CTNNA2: variants seen among roughly 807,000 people sequenced by gnomAD.
CTNNA2 encodes catenin alpha 2.
Under a neutral mutation model 101.0 loss-of-function variants are expected in CTNNA2, and 42 were observed. The observed-to-expected ratio is 0.42, with a 90% CI of 0.32 to 0.54. The LOEUF is 0.54. Ranked by LOEUF, CTNNA2 falls within the 20% of genes least tolerant of loss-of-function variation. CTNNA2 has a pLI of 0.14. For synonymous variants in CTNNA2, 450 were observed against 456.4 expected (o/e 0.99, Z 0.18); for missense variants, 871 against 1,223.1 (o/e 0.71, Z 4.29).
At chr2:80,129,886 G>T (rs536867791) in intron 7 of CTNNA2, among the ~76,000 whole-genome samples, 27 of 152,246 alleles carry the variant, frequency 1.8e-4, no homozygotes, top group African/African-American at 6.5e-4. Context: ...GGGAGTGCAA[G>T]TAACCTCAGA....
chr2:79,836,970 A>G (rs1213727419), intron 3 of CTNNA2, among the ~76,000 whole-genome samples: 1 of 152,140 alleles, frequency 6.6e-6, no homozygotes, highest in African/African-American at 2.4e-5. Flanking sequence ...ATCATAACTC[A>G]ATTATATCTA....
At chr2:79,297,912 C>G (rs1416555480) in intron 2 of CTNNA2, among the ~76,000 whole-genome samples, 1 of 152,174 alleles carries the variant, frequency 6.6e-6, no homozygotes, top group Non-Finnish European at 1.5e-5. Context: ...ACTCATCTAT[C>G]TCTCATTTGA....
intron 4 of CTNNA2, among the ~76,000 whole-genome samples, chr2:79,441,368 A>G (rs1247186021): frequency 6.6e-6 from 1 of 152,180 alleles, no homozygotes; most frequent in Non-Finnish European, 1.5e-5. Context: ...TTCATGCAGT[A>G]TGTGATGTGT....
chr2:80,417,355 T>G (rs1680135431), intron 8 of CTNNA2, among the ~76,000 whole-genome samples: 1 of 151,762 alleles, frequency 6.6e-6, no homozygotes, highest in Admixed American at 6.6e-5. Flanking sequence ...TGGAAAGTTT[T>G]CATTGATTAC....
chr2:80,544,975 A>G lies in CTNNA2; in HGVS notation c.1291-7A>G, dbSNP rs1308469128. 1 of 1,613,476 alleles carries G rather than the reference A, an allele frequency of 6.2e-7. No homozygotes were observed. The highest frequency in any genetic ancestry group is 1.7e-5 in the Admixed American group (1 of 59,986). On this transcript the variant is annotated splice_polypyrimidine_tract_variant and splice_region_variant and intron_variant, in intron 9 of 18. Coordinates refer to ENST00000402739, the MANE Select transcript of CTNNA2 (RefSeq NM_001282597.3). ...CCTAATATTCACTAAAATCCTCTTCAATACAGGTTGCCAATTTGGCCTGTT... is the reference window on the plus strand; with the variant it reads ...CCTAATATTCACTAAAATCCTCTTCGATACAGGTTGCCAATTTGGCCTGTT...
intron 2 of CTNNA2, among the ~76,000 whole-genome samples, chr2:79,259,985 A>T (rs1674899411): frequency 6.6e-6 from 1 of 152,220 alleles, no homozygotes; most frequent in Non-Finnish European, 1.5e-5. Context: ...ATAGGAGCAG[A>T]TGCTACCTAG....
intron 1 of CTNNA2, among the ~76,000 whole-genome samples, chr2:79,595,338 C>G (rs1331310349): frequency 6.6e-6 from 1 of 152,130 alleles, no homozygotes; most frequent in Non-Finnish European, 1.5e-5. Flanking sequence ...TCTATATTTA[C>G]TGTATGTGCC....
intron 2 of CTNNA2, among the ~76,000 whole-genome samples, chr2:79,287,611 A>T (rs1394699842): frequency 2.0e-5 from 3 of 150,936 alleles, no homozygotes; most frequent in Admixed American, 2.0e-4. Context: ...CCATTCTCAG[A>T]TCTCCTGCTG....
At chr2:79,537,926 A>C (rs1417757752) in intron 1 of CTNNA2, among the ~76,000 whole-genome samples, 1 of 151,990 alleles carries the variant, frequency 6.6e-6, no homozygotes, top group Non-Finnish European at 1.5e-5. Flanking sequence ...ACATCATTTT[A>C]CATATGCATG....
At chr2:79,927,723 CTG>C (rs1687121606) in intron 7 of CTNNA2, among the ~76,000 whole-genome samples, 1 of 152,128 alleles carries the variant, frequency 6.6e-6, no homozygotes, top group Non-Finnish European at 1.5e-5. Flanking sequence ...TAATGTTACT[CTG>C]TAAATATTTG....
chr2:80,347,838 C>CTTTTT (rs778989197), intron 7 of CTNNA2, among the ~76,000 whole-genome samples: 1,872 of 146,768 alleles, frequency 0.013, 31 homozygotes, highest in South Asian at 0.032. Flanking sequence ...TTTTTCTTTT[C>CTTTTT]TTTTCTTTTT....
intron 3 of CTNNA2, among the ~76,000 whole-genome samples, chr2:79,745,445 TA>T (rs201603877): frequency 0.013 from 1,980 of 150,588 alleles, 40 homozygotes; most frequent in African/African-American, 0.046. Context: ...AAAAAAAAAA[TA>T]AAATAAAAAG....
chr2:79,741,249 GC>G, intron 2 of CTNNA2, among the ~76,000 whole-genome samples: 1 of 152,248 alleles, frequency 6.6e-6, no homozygotes, highest in South Asian at 2.1e-4. Context: ...CCAGAAGTGG[GC>G]AGCAAGAGTC....
intron 7 of CTNNA2, among the ~76,000 whole-genome samples, chr2:80,130,212 A>G (rs1039109647): frequency 1.1e-4 from 16 of 152,196 alleles, no homozygotes; most frequent in African/African-American, 3.9e-4. Flanking sequence ...TGGAAAGCTT[A>G]TGTTTATTAA....
chr2:79,314,216 G>A (rs1262384147), intron 3 of CTNNA2, among the ~76,000 whole-genome samples: 1 of 152,104 alleles, frequency 6.6e-6, no homozygotes, highest in Non-Finnish European at 1.5e-5. Flanking sequence ...TCTCAGACTT[G>A]TCATTCTCTT....
chr2:79,602,985 C>G (rs1320363661), intron 1 of CTNNA2, among the ~76,000 whole-genome samples: 2 of 152,022 alleles, frequency 1.3e-5, no homozygotes, highest in African/African-American at 2.4e-5. Context: ...AGTCAAAATT[C>G]CCAAAGATAG....
At chr2:79,614,372 A>T (rs1462501414) in intron 1 of CTNNA2, among the ~76,000 whole-genome samples, 2 of 152,168 alleles carry the variant, frequency 1.3e-5, no homozygotes, top group African/African-American at 4.8e-5. Context: ...ACATATTATC[A>T]AAAGTCCTGA....
intron 18 of CTNNA2, among the ~76,000 whole-genome samples, chr2:80,624,645 T>A (rs1414334395): frequency 6.6e-6 from 1 of 151,746 alleles, no homozygotes; most frequent in Non-Finnish European, 1.5e-5. Flanking sequence ...CAGAATCTTC[T>A]GTATTTATTT....
chr2:79,392,145 G>A (rs868498246), intron 4 of CTNNA2, among the ~76,000 whole-genome samples: 1 of 152,178 alleles, frequency 6.6e-6, no homozygotes, highest in African/African-American at 2.4e-5. Context: ...ATCCATAACA[G>A]TGTCTTTTCC....
Sources: allele counts gnomAD v4.1 joint callset (sites outside exome capture counted in the v4.1 genomes callset), GRCh38; gene constraint gnomAD v4.1.1; transcripts MANE v1.5; gene names NCBI Gene and HGNC (gene_info 2026-07-23, HGNC 2026-07-21).